Variants in DNAH8 observed in about 807,000 individuals in gnomAD.
DNAH8 encodes axonemal beta dynein heavy chain 8.
A neutral mutation model predicts 562.1 loss-of-function variants in DNAH8; 382 were observed. That is an observed-to-expected ratio of 0.68 (90% CI 0.63 to 0.74). The LOEUF is 0.74. Ranked by LOEUF, DNAH8 falls within the 30% of genes least tolerant of loss-of-function variation. The pLI, the probability that DNAH8 is intolerant of heterozygous loss-of-function variation, is 0.00. For synonymous variants in DNAH8, 1,881 were observed against 1,919.4 expected (o/e 0.98, Z 0.52); for missense variants, 5,203 against 5,620.4 (o/e 0.93, Z 2.37).
chr6:38,891,189 T>C (rs1453245894), intron 58 of DNAH8, among the ~76,000 whole-genome samples: 1 of 152,234 alleles, frequency 6.6e-6, no homozygotes. Flanking sequence ...TGTGTATTTC[T>C]CTGAGCAGGA....
chr6:38,816,522 T>G (rs1000798588), intron 26 of DNAH8, among the ~76,000 whole-genome samples: 1 of 152,182 alleles, frequency 6.6e-6, no homozygotes, highest in Non-Finnish European at 1.5e-5. Flanking sequence ...TGTCTGCTAT[T>G]GTGAATAGTG....
chr6:38,759,752 A>C (rs979905755), intron 10 of DNAH8, among the ~76,000 whole-genome samples: 2 of 152,010 alleles, frequency 1.3e-5, no homozygotes, highest in African/African-American at 4.8e-5. Context: ...TTGTCTGATC[A>C]CTTTGGCCTG....
chr6:38,946,741 CG>C (rs1340475551), intron 80 of DNAH8, among the ~76,000 whole-genome samples: 2 of 151,784 alleles, frequency 1.3e-5, no homozygotes, highest in Admixed American at 6.6e-5. Flanking sequence ...AACTGGGAAG[CG>C]GGGGTTGCAG....
rs527297162 is a variant in DNAH8 at position 38,764,918 on chromosome 6, T to G, written c.1617+3115T>G. Reference sequence around the variant, plus strand: ...GGCACAGTCTTGGCTCACTGCAACCTCTGCCTCCCAGGTTCAAGCAATTCT... The same window carrying G: ...GGCACAGTCTTGGCTCACTGCAACCGCTGCCTCCCAGGTTCAAGCAATTCT... On this transcript the variant is annotated intron_variant, in intron 11 of 92. Coordinates refer to ENST00000327475, the MANE Select transcript of DNAH8 (RefSeq NM_001206927.2). Among the ~76,000 whole-genome samples, 3 of 152,260 alleles carry G rather than the reference T, an allele frequency of 2.0e-5. No individual in the cohort carries two copies. The East Asian group carries it at 5.8e-4, about 29-fold the overall frequency.
rs776401497 is a variant in DNAH8, at chr6:38,860,481, A to T, written c.5983A>T (p.Thr1995Ser). 6.9e-7 allele frequency: 1 copy of T among 1,454,644 alleles called. No homozygotes were observed. The highest frequency in any genetic ancestry group is 1.5e-5 in the African/African-American group (1 of 68,304). The allele number at this position is 1,454,644 out of a possible 1,614,324, so 90.1% of individuals were successfully genotyped here. ...DLVKMHIKSP[T>S]DFEWLKQSRF... ...GGTAAAAATGCATATCAAATCACCT[A>T]CTGACTTTGAATGGCTAAAACAGAG... Residue 1995 changes from threonine (T) to serine (S), a missense_variant, in exon 43 of 93, where the codon ACT (threonine) becomes TCT (serine). By Grantham distance (58) the Thr-to-Ser change is moderately conservative. Coordinates refer to ENST00000327475, the MANE Select transcript of DNAH8 (RefSeq NM_001206927.2).
intron 32 of DNAH8, among the ~76,000 whole-genome samples, chr6:38,835,345 C>A (rs1774194955): frequency 6.6e-6 from 1 of 151,604 alleles, no homozygotes; most frequent in Non-Finnish European, 1.5e-5. Flanking sequence ...GATCAGATGC[C>A]TACTGTGTGG....
intron 88 of DNAH8, among the ~76,000 whole-genome samples, chr6:38,999,588 T>C (rs1583541129): frequency 3.3e-5 from 5 of 152,020 alleles, no homozygotes. Context: ...TGAGGACTAT[T>C]TATATATGGC....
intron 85 of DNAH8, among the ~76,000 whole-genome samples, chr6:38,979,040 C>T (rs1387886248): frequency 1.3e-5 from 2 of 152,240 alleles, no homozygotes; most frequent in African/African-American, 4.8e-5. Flanking sequence ...CTCACCAGAA[C>T]TAGCCCGCTA....
intron 89 of DNAH8, among the ~76,000 whole-genome samples, chr6:39,010,765 T>TTA (rs376519676): frequency 0.015 from 2,096 of 142,118 alleles, 52 homozygotes; most frequent in African/African-American, 0.045. Flanking sequence ...TAGATATAAT[T>TTA]TATATATATA....
At chr6:38,729,805 C>T in intron 3 of DNAH8, 97 bp from the exon 4 acceptor site, 2 of 673,004 alleles carry the variant, frequency 3.0e-6, no homozygotes, top group African/African-American at 1.8e-5. Flanking sequence ...CTTTATGTAC[C>T]TTTGAATAAA....
Position 38,823,607 on chromosome 6 carries a change from A to G in DNAH8, c.3766A>G (p.Ile1256Val). The change falls in exon 28 of 93, where the codon ATT becomes GTT. Residue 1256 changes from isoleucine (I) to valine (V), a missense_variant. Physicochemically the swap from Ile to Val is conservative, Grantham distance 29. Coordinates refer to ENST00000327475, the MANE Select transcript of DNAH8 (RefSeq NM_001206927.2). Reference protein sequence around the residue: ...NPSLTEIRSEILHYATFEQEI... With the variant: ...NPSLTEIRSEVLHYATFEQEI... ...CTCTCTGACTGAAATCAGATCAGAAATTCTACACTATGCTACTTTTGAACA... is the reference window on the plus strand; with the variant it reads ...CTCTCTGACTGAAATCAGATCAGAAGTTCTACACTATGCTACTTTTGAACA... 9.9e-6 allele frequency: 16 copies of G among 1,610,568 alleles called. No individual in the cohort carries two copies. Among genetic ancestry groups the G allele is most frequent in the Non-Finnish European group, 1.4e-5 (16 of 1,177,052 alleles).
intron 12 of DNAH8, among the ~76,000 whole-genome samples, chr6:38,772,293 G>A (rs921022269): frequency 3.3e-5 from 5 of 152,224 alleles, no homozygotes; most frequent in African/African-American, 9.6e-5. Flanking sequence ...CTCCCAAAGT[G>A]CTGGGATTAC....
At chr6:38,756,354 A>C (rs946714195) in intron 10 of DNAH8, among the ~76,000 whole-genome samples, 1 of 152,072 alleles carries the variant, frequency 6.6e-6, no homozygotes, top group African/African-American at 2.4e-5. Flanking sequence ...TTTTGATTCT[A>C]CCCAAGAGAT....
chr6:38,811,542 C>G (rs922045055), intron 24 of DNAH8, among the ~76,000 whole-genome samples: 4 of 152,162 alleles, frequency 2.6e-5, no homozygotes, highest in Admixed American at 6.5e-5. Context: ...TCCTTATCCT[C>G]CAGATATGGT....
chr6:38,945,671 G>A, intron 80 of DNAH8, 83 bp downstream of exon 80: 1 of 1,568,680 alleles, frequency 6.4e-7, no homozygotes, highest in Non-Finnish European at 8.7e-7. Context: ...CTTCCTGGCA[G>A]CAATTCCTTC....
chr6:38,836,492 A>G (rs1018463711), intron 32 of DNAH8, among the ~76,000 whole-genome samples: 4 of 146,426 alleles, frequency 2.7e-5, no homozygotes, highest in Non-Finnish European at 6.0e-5. Flanking sequence ...CAACAAAACA[A>G]CAACAACAAC....
At chr6:38,802,603 C>A (rs1464311259) in intron 21 of DNAH8, among the ~76,000 whole-genome samples, 2 of 152,218 alleles carry the variant, frequency 1.3e-5, no homozygotes, top group African/African-American at 4.8e-5. Flanking sequence ...GTTTTTCCAA[C>A]TACTGTGTGA....
intron 82 of DNAH8, among the ~76,000 whole-genome samples, chr6:38,957,602 TA>T (rs34391596): frequency 0.24 from 36,180 of 150,840 alleles, 5,462 homozygotes; most frequent in Non-Finnish European, 0.34. Flanking sequence ...CTTAACAAAT[TA>T]AAAAAAACTG....
chr6:38,850,229 C>G (rs748169426), intron 37 of DNAH8, 22 bp from the exon 38 acceptor site: 2 of 1,604,164 alleles, frequency 1.2e-6, no homozygotes, highest in Non-Finnish European at 1.7e-6. Flanking sequence ...CTAATCTTTA[C>G]TGGCTATGGA....
Sources: allele counts gnomAD v4.1 joint callset (sites outside exome capture counted in the v4.1 genomes callset), GRCh38; gene constraint gnomAD v4.1.1; transcripts MANE v1.5; gene names NCBI Gene and HGNC (gene_info 2026-07-23, HGNC 2026-07-21).